Variants in ALK observed in about 807,000 individuals in gnomAD.
The protein encoded by ALK is ALK tyrosine kinase receptor.
In ALK, 74 loss-of-function variants were observed where a neutral mutation model predicts 163.1. That is an observed-to-expected ratio of 0.45 (90% CI 0.38 to 0.55). The LOEUF (loss-of-function observed/expected upper bound fraction) is 0.55, where lower values mean the gene tolerates loss of function less well. ALK is among the 20% of genes least tolerant of loss of function. The pLI, the probability that ALK is intolerant of heterozygous loss-of-function variation, is 0.00. For synonymous variants in ALK, 960 were observed against 843.2 expected (o/e 1.14, Z -2.40); for missense variants, 2,063 against 2,105.3 (o/e 0.98, Z 0.39).
chr2:29,912,671 C>G (rs4665486), intron 1 of ALK, among the ~76,000 whole-genome samples: 2 of 151,738 alleles, frequency 1.3e-5, no homozygotes, highest in Non-Finnish European at 2.9e-5. Flanking sequence ...ATTTAAAACA[C>G]GCATGACTGG....
At chr2:29,841,357 C>T (rs1372122410) in intron 1 of ALK, among the ~76,000 whole-genome samples, 1 of 152,144 alleles carries the variant, frequency 6.6e-6, no homozygotes, top group Non-Finnish European at 1.5e-5. Flanking sequence ...AAGACACTGG[C>T]TTGTGTTCAG....
intron 3 of ALK, among the ~76,000 whole-genome samples, chr2:29,685,105 C>T (rs1678197283): frequency 6.6e-6 from 1 of 152,162 alleles, no homozygotes; most frequent in South Asian, 2.1e-4. Flanking sequence ...GCTGGAGAAG[C>T]ACTTTACAGT....
intron 1 of ALK, among the ~76,000 whole-genome samples, chr2:29,859,859 T>C (rs1666234846): frequency 6.6e-6 from 1 of 152,144 alleles, no homozygotes; most frequent in African/African-American, 2.4e-5. Flanking sequence ...GATGTGAAAA[T>C]TTGACATATT....
At chr2:29,456,456 G>A (rs186610161) in intron 4 of ALK, among the ~76,000 whole-genome samples, 80 of 152,306 alleles carry the variant, frequency 5.3e-4, no homozygotes, top group African/African-American at 1.9e-3. Flanking sequence ...AAATAAGCCA[G>A]TCACAAAAAG....
At chr2:29,855,994 G>A (rs182576527) in intron 1 of ALK, among the ~76,000 whole-genome samples, 4 of 152,218 alleles carry the variant, frequency 2.6e-5, no homozygotes, top group Admixed American at 6.5e-5. Context: ...AACATAGAGC[G>A]AGCAGTACTA....
intron 4 of ALK, among the ~76,000 whole-genome samples, chr2:29,475,443 A>T (rs1384263723): frequency 1.3e-5 from 2 of 152,148 alleles, no homozygotes; most frequent in East Asian, 3.9e-4. Flanking sequence ...CTCTCCCGCC[A>T]TCTTTTCCCA....
At position 29,553,619 on chromosome 2, in the gene ALK, T is replaced by G. The variant is rs1041655149; in HGVS notation, c.953-21503A>C. 3.9e-5 allele frequency among the ~76,000 whole-genome samples: 6 copies of G among 152,322 alleles called. No individual in the cohort carries two copies. In the South Asian group the frequency reaches 1.0e-3, roughly 26 times the overall value. ...TTGTCATTTGCATACACTCAATGCC[T>G]AGCGCATAGAAAAAGCTCAATATTG... On this transcript the variant is annotated intron_variant, in intron 3 of 28. Transcript: ENST00000389048.
chr2:29,422,997 G>A (rs1305195613), intron 4 of ALK, among the ~76,000 whole-genome samples: 1 of 151,588 alleles, frequency 6.6e-6, no homozygotes, highest in Admixed American at 6.6e-5. Flanking sequence ...TGCCAGGGGA[G>A]ATGAGCGTGG....
At chr2:29,667,560 A>G (rs969279859) in intron 3 of ALK, among the ~76,000 whole-genome samples, 9 of 151,532 alleles carry the variant, frequency 5.9e-5, no homozygotes, top group Non-Finnish European at 1.3e-4. Flanking sequence ...TTCTTGGTGG[A>G]GTCCTCAGGT....
chr2:29,567,152 T>C (rs933773809), intron 3 of ALK, among the ~76,000 whole-genome samples: 1 of 152,208 alleles, frequency 6.6e-6, no homozygotes, highest in Non-Finnish European at 1.5e-5. Context: ...GAGGGATCTT[T>C]AAGAAAAGCC....
At chr2:29,622,718 AG>A (rs921596622) in intron 3 of ALK, among the ~76,000 whole-genome samples, 7 of 152,144 alleles carry the variant, frequency 4.6e-5, no homozygotes, top group African/African-American at 1.7e-4. Flanking sequence ...CAGTTGGGCC[AG>A]CCCCCTCACC....
At chr2:29,778,710 C>T (rs1249727165) in intron 1 of ALK, among the ~76,000 whole-genome samples, 2 of 152,104 alleles carry the variant, frequency 1.3e-5, no homozygotes, top group Non-Finnish European at 2.9e-5. Flanking sequence ...GGCAACACTA[C>T]AACTCTGTCC....
intron 3 of ALK, among the ~76,000 whole-genome samples, chr2:29,542,433 T>C (rs12997965): frequency 0.27 from 41,134 of 152,126 alleles, 6,610 homozygotes; most frequent in Non-Finnish European, 0.37. Context: ...GGGACTTTTA[T>C]GTTAGTCCCA....
chr2:29,463,714 AGG>A (rs1370429185), intron 4 of ALK, among the ~76,000 whole-genome samples: 1 of 152,198 alleles, frequency 6.6e-6, no homozygotes, highest in South Asian at 2.1e-4. Flanking sequence ...TGGGAGATGT[AGG>A]GGAGAGAGAG....
chr2:29,856,857 G>A (rs1235459380), intron 1 of ALK, among the ~76,000 whole-genome samples: 1 of 152,216 alleles, frequency 6.6e-6, no homozygotes, highest in Non-Finnish European at 1.5e-5. Flanking sequence ...GTTAGACAGG[G>A]CGCTGAATTG....
chr2:29,382,828 A>G (rs889097821), intron 5 of ALK, among the ~76,000 whole-genome samples: 1 of 152,228 alleles, frequency 6.6e-6, no homozygotes, highest in Non-Finnish European at 1.5e-5. Flanking sequence ...TTCCCCACAC[A>G]TAAACCAGTT....
intron 4 of ALK, among the ~76,000 whole-genome samples, chr2:29,438,821 G>A (rs1207030988): frequency 2.0e-5 from 3 of 152,204 alleles, no homozygotes; most frequent in African/African-American, 7.2e-5. Flanking sequence ...AGGGCCATGA[G>A]GGTCAATGGA....
At chr2:29,326,077 C>T (rs1439325235) in intron 6 of ALK, among the ~76,000 whole-genome samples, 4 of 152,210 alleles carry the variant, frequency 2.6e-5, no homozygotes, top group Non-Finnish European at 5.9e-5. Flanking sequence ...GCCAAGAACA[C>T]AGTGGGGGTG....
chr2:29,639,043 A>G (rs1573519213), intron 3 of ALK, among the ~76,000 whole-genome samples: 2 of 152,328 alleles, frequency 1.3e-5, no homozygotes, highest in Non-Finnish European at 2.9e-5. Context: ...GGAGAATTAG[A>G]AAGTAGCTGA....
Sources: allele counts gnomAD v4.1 joint callset (sites outside exome capture counted in the v4.1 genomes callset), GRCh38; gene constraint gnomAD v4.1.1; transcripts MANE v1.5; gene names NCBI Gene and HGNC (gene_info 2026-07-23, HGNC 2026-07-21).